AFG2A: variants seen among roughly 807,000 people sequenced by gnomAD.
The protein encoded by AFG2A is AAA ATPase AFG2A.
chr4:123,153,226 C>T, the AFG2A span, among the ~76,000 whole-genome samples: 1 of 152,190 alleles, frequency 6.6e-6, no homozygotes, highest in Non-Finnish European at 1.5e-5. Context: ...TTCCACATGG[C>T]CTTTCTACAG....
At chr4:123,099,277 A>G in the AFG2A span, among the ~76,000 whole-genome samples, 3 of 151,974 alleles carry the variant, frequency 2.0e-5, no homozygotes, top group Non-Finnish European at 4.4e-5. Context: ...TTTGGTTTAC[A>G]AACATATTCT....
the AFG2A span, among the ~76,000 whole-genome samples, chr4:123,019,822 A>C: frequency 1.3e-5 from 2 of 152,224 alleles, no homozygotes; most frequent in East Asian, 3.8e-4. Flanking sequence ...CAAATCCTGC[A>C]CATAGAAGAC....
chr4:122,933,574 T>C, the AFG2A span: 1 of 1,062,746 alleles, frequency 9.4e-7, no homozygotes, highest in Non-Finnish European at 1.4e-6. Flanking sequence ...TTTGAGGGCT[T>C]ATATATGCAT....
At chr4:123,155,147 T>TG in the AFG2A span, among the ~76,000 whole-genome samples, 1 of 152,160 alleles carries the variant, frequency 6.6e-6, no homozygotes, top group Non-Finnish European at 1.5e-5. Context: ...TACAGTGGCA[T>TG]GATCATGGCT....
the AFG2A span, among the ~76,000 whole-genome samples, chr4:122,989,297 C>G: frequency 1.3e-5 from 2 of 151,982 alleles, no homozygotes; most frequent in Non-Finnish European, 2.9e-5. Context: ...TCTTGGTAGG[C>G]TGTCTTGCTG....
the AFG2A span, among the ~76,000 whole-genome samples, chr4:122,954,621 T>C: frequency 6.6e-6 from 1 of 152,244 alleles, no homozygotes; most frequent in Non-Finnish European, 1.5e-5. Flanking sequence ...CATTTTGTCA[T>C]CCTGTTTCTG....
At chr4:122,923,155 A>C in the AFG2A span, 1 of 1,614,178 alleles carries the variant, frequency 6.2e-7, no homozygotes, top group Non-Finnish European at 8.5e-7. Context: ...GTCTTCCAAG[A>C]AGAATAGAAA....
chr4:123,276,479 A>G, the AFG2A span, among the ~76,000 whole-genome samples: 1 of 152,148 alleles, frequency 6.6e-6, no homozygotes, highest in Admixed American at 6.5e-5. Context: ...AAAGCTCTTT[A>G]GTTTAATTAA....
chr4:123,235,723 T>C, the AFG2A span, among the ~76,000 whole-genome samples: 13 of 152,194 alleles, frequency 8.5e-5, no homozygotes, highest in African/African-American at 3.1e-4. Context: ...AAAATACTGC[T>C]GTTCTCAGTG....
the AFG2A span, among the ~76,000 whole-genome samples, chr4:123,079,640 G>A: frequency 6.6e-6 from 1 of 151,572 alleles, no homozygotes; most frequent in Middle Eastern, 3.2e-3. Flanking sequence ...GCCAATGCTA[G>A]GAGTATAACC....
the AFG2A span, among the ~76,000 whole-genome samples, chr4:123,030,239 T>C: frequency 1.3e-5 from 2 of 152,242 alleles, no homozygotes. Flanking sequence ...AGCACACTTA[T>C]TTTCTTACAA....
At chr4:122,926,339 C>T in the AFG2A span, among the ~76,000 whole-genome samples, 4 of 152,226 alleles carry the variant, frequency 2.6e-5, no homozygotes, top group East Asian at 1.9e-4. Context: ...GATCATCTAA[C>T]AGCAGTATGC....
chr4:123,317,307 A>G, the AFG2A span: 1 of 151,942 alleles, frequency 6.6e-6, no homozygotes, highest in South Asian at 2.1e-4. Context: ...AATTCACACT[A>G]CCTTCAAATT....
At chr4:123,160,436 A>G in the AFG2A span, among the ~76,000 whole-genome samples, 1 of 152,140 alleles carries the variant, frequency 6.6e-6, no homozygotes, top group Non-Finnish European at 1.5e-5. Flanking sequence ...CTAATACTAC[A>G]ATGTAAACAC....
chr4:123,155,661 T>C, the AFG2A span, among the ~76,000 whole-genome samples: 1 of 152,136 alleles, frequency 6.6e-6, no homozygotes, highest in Non-Finnish European at 1.5e-5. Context: ...GTATTAGGTA[T>C]TATAAGTAAT....
At chr4:123,277,595 T>C in the AFG2A span, among the ~76,000 whole-genome samples, 1 of 152,220 alleles carries the variant, frequency 6.6e-6, no homozygotes, top group Non-Finnish European at 1.5e-5. Flanking sequence ...CCATTCAGTA[T>C]GATGTTGGTT....
At chr4:123,021,903 C>A in the AFG2A span, among the ~76,000 whole-genome samples, 1 of 151,926 alleles carries the variant, frequency 6.6e-6, no homozygotes, top group East Asian at 1.9e-4. Context: ...ACTATCTGAT[C>A]TTTGACAAAC....
the AFG2A span, among the ~76,000 whole-genome samples, chr4:123,007,571 TG>T: frequency 4.8e-4 from 2 of 4,178 alleles, no homozygotes; most frequent in Non-Finnish European, 1.6e-3. Context: ...TGTGTATATG[TG>T]TGTGTGTGTG....
At chr4:123,150,354 A>T in the AFG2A span, among the ~76,000 whole-genome samples, 12 of 152,240 alleles carry the variant, frequency 7.9e-5, no homozygotes, top group African/African-American at 2.9e-4. Flanking sequence ...TGCAGATGAC[A>T]TGATTGTATA....
Sources: gnomAD v4.1 joint callset for allele counts (sites outside exome capture counted in the v4.1 genomes callset) on GRCh38, gnomAD v4.1.1 for gene constraint, MANE v1.5 for transcripts, NCBI Gene and HGNC (gene_info 2026-07-23, HGNC 2026-07-21) for gene names.